Variants in LAMA3 observed in about 807,000 individuals in gnomAD.
LAMA3 encodes the protein laminin subunit alpha-3.
A neutral mutation model predicts 402.0 loss-of-function variants in LAMA3; 281 were observed. The ratio of observed to expected loss-of-function variants is 0.70; its 90% CI spans 0.63 to 0.77. The LOEUF (loss-of-function observed/expected upper bound fraction) is 0.77, where lower values mean the gene tolerates loss of function less well. Ranked by LOEUF, LAMA3 falls within the 30% of genes least tolerant of loss-of-function variation. The pLI, the probability that LAMA3 is intolerant of heterozygous loss-of-function variation, is 0.00. For missense variants in LAMA3, 3,840 were observed against 4,215.5 expected, an observed-to-expected ratio of 0.91 and a Z score of 2.47; for synonymous variants, 1,431 against 1,558.4, an observed-to-expected ratio of 0.92 and a Z score of 1.93.
At chr18:23,720,654 T>A (rs1028394059) in intron 2 of LAMA3, among the ~76,000 whole-genome samples, 4 of 152,328 alleles carry the variant, frequency 2.6e-5, no homozygotes, top group Non-Finnish European at 4.4e-5. Flanking sequence ...AAATGTGTTA[T>A]TAATGAACAT....
At chr18:23,827,533 CT>C in intron 23 of LAMA3, 66 bp downstream of exon 23, 1 of 1,547,714 alleles carries the variant, frequency 6.5e-7, no homozygotes, top group Non-Finnish European at 8.8e-7. Flanking sequence ...GCTAAAAATA[CT>C]TGGCCACAGT....
chr18:23,813,086 AC>A lies in LAMA3; in HGVS notation c.1773del (p.Ile592SerfsTer48). On this transcript the variant is annotated frameshift_variant, in exon 14 of 75. Coordinates refer to ENST00000313654, the MANE Select transcript of LAMA3 (RefSeq NM_198129.4). LOFTEE classifies it high-confidence loss of function. ...CAGCAGTGCTTGTGACCCAGCTGGTACCATCAACTCCAATTTGGTAAGTAGA... is the reference window on the plus strand; with the variant it reads ...CAGCAGTGCTTGTGACCCAGCTGGTACATCAACTCCAATTTGGTAAGTAGA... ...GSSSACDPAGTINSNLGYCQC... is the reference protein window; with the variant it reads ...GSSSACDPAGXINSNLGYCQC... 6.2e-7 allele frequency: 1 copy of A among 1,609,306 alleles called. No homozygotes were observed. Among genetic ancestry groups the A allele is most frequent in the African/African-American group, 1.3e-5 (1 of 74,966 alleles).
intron 68 of LAMA3, among the ~76,000 whole-genome samples, chr18:23,942,931 C>A (rs965022195): frequency 2.6e-5 from 4 of 152,138 alleles, no homozygotes; most frequent in African/African-American, 9.7e-5. Flanking sequence ...TTGCCTCATT[C>A]TTCTTCCTTC....
chr18:23,771,799 AC>A (rs1568167760), intron 8 of LAMA3, among the ~76,000 whole-genome samples: 1 of 152,198 alleles, frequency 6.6e-6, no homozygotes, highest in East Asian at 1.9e-4. Flanking sequence ...AAAGGTGTTC[AC>A]TGTAAAGTTG....
At chr18:23,931,248 T>G in intron 65 of LAMA3, 47 bp downstream of exon 65, 1 of 1,572,792 alleles carries the variant, frequency 6.4e-7, no homozygotes, top group South Asian at 1.1e-5. Flanking sequence ...AGTTTTACTC[T>G]CTTTCGTTTA....
intron 63 of LAMA3, 147 bp from the exon 64 acceptor site, chr18:23,928,478 T>G: frequency 1.1e-6 from 1 of 897,086 alleles, no homozygotes; most frequent in Non-Finnish European, 1.8e-6. Flanking sequence ...ATTGCTGACT[T>G]ATTATGCAGA....
At chr18:23,730,824 G>T (rs918133241) in intron 2 of LAMA3, among the ~76,000 whole-genome samples, 1 of 151,972 alleles carries the variant, frequency 6.6e-6, no homozygotes, top group African/African-American at 2.4e-5. Context: ...ATTATTCTAA[G>T]CCTGAAAAAT....
At chr18:23,718,048 T>C (rs934780163) in intron 2 of LAMA3, among the ~76,000 whole-genome samples, 26 of 152,314 alleles carry the variant, frequency 1.7e-4, no homozygotes, top group Middle Eastern at 3.4e-3. Context: ...TTTTGTATCA[T>C]CTGGCCAGAT....
chr18:23,705,450 T>TGCAC (rs1555674076), intron 1 of LAMA3, among the ~76,000 whole-genome samples: 1 of 145,394 alleles, frequency 6.9e-6, no homozygotes, highest in Admixed American at 6.9e-5. Context: ...TATCATGACA[T>TGCAC]ACACACACAC....
Position 23,847,540 on chromosome 18 carries a change from G to C in LAMA3, c.4008G>C (p.Gln1336His). ...CRCPPRTVRPQCEVCETHSFS... is the reference protein window; with the variant it reads ...CRCPPRTVRPHCEVCETHSFS... ...GCCCTCCCCGCACGGTCAGGCCCCA[G>C]TGTGAGGTGTGTGAGACACACTCAT... The change falls in exon 32 of 75, where the codon CAG becomes CAC. Residue 1336 changes from glutamine to histidine, a missense_variant. This residue lies in a region of LAMA3 where 2,109 missense variants were observed against 2,376.0 expected (regional missense o/e 0.89). Coordinates refer to ENST00000313654, the MANE Select transcript of LAMA3 (RefSeq NM_198129.4). The C allele has an allele frequency of 1.9e-6, 3 of 1,614,098 alleles. No homozygotes were observed. In the South Asian group the frequency reaches 3.3e-5, roughly 18 times the overall value.
Position 23,784,124 on chromosome 18 carries a change from C to A in LAMA3, c.1570C>A (p.Arg524Ser). Residue 524 changes from arginine to serine, a missense_variant, in exon 12 of 75, where the codon CGC (arginine) becomes AGC (serine). Coordinates refer to ENST00000313654, the MANE Select transcript of LAMA3 (RefSeq NM_198129.4). ...GVEGPRCDTC[R>S]SGFYSFPICQ... ...TGAGGGCCCTCGATGTGATACCTGC[C>A]GCTCTGGTTTCTACTCATTCCCTAT... 6.2e-7 allele frequency: 1 copy of A among 1,614,120 alleles called. No individual in the cohort carries two copies. The highest frequency in any genetic ancestry group is 1.1e-5 in the South Asian group (1 of 91,080).
At position 23,819,943 on chromosome 18, in the gene LAMA3, G is replaced by A. The variant is rs540568341; in HGVS notation, c.2250G>A (p.Pro750=). The change falls in exon 19 of 75, where the codon CCG becomes CCA. Residue 750 remains proline (P), a synonymous_variant. Coordinates refer to ENST00000313654, the MANE Select transcript of LAMA3 (RefSeq NM_198129.4). ...NGRDLRFGFD[P]LAFPEFSWRG... is the part of the protein sequence containing the mutation. ...GAGACCTTCGATTTGGATTTGATCC[G>A]CTGGCATTTCCTGAGTTTAGCTGGA... 11 of 1,614,066 alleles carry A rather than the reference G, an allele frequency of 6.8e-6. No homozygotes were observed. The highest frequency in any genetic ancestry group is 2.2e-5 in the East Asian group (1 of 44,876).
intron 34 of LAMA3, among the ~76,000 whole-genome samples, chr18:23,860,407 C>T (rs1310077019): frequency 6.6e-6 from 1 of 151,562 alleles, no homozygotes. Context: ...TACAGGCATG[C>T]ACCACCACAC....
chr18:23,796,708 T>C (rs886902345), intron 12 of LAMA3, among the ~76,000 whole-genome samples: 3 of 152,208 alleles, frequency 2.0e-5, no homozygotes, highest in Non-Finnish European at 4.4e-5. Flanking sequence ...GATTTTTTTT[T>C]AATTTTTAAA....
intron 68 of LAMA3, among the ~76,000 whole-genome samples, chr18:23,939,880 A>G (rs1204226146): frequency 2.0e-5 from 3 of 152,234 alleles, no homozygotes; most frequent in South Asian, 2.1e-4. Flanking sequence ...TCAGAAAAAA[A>G]TTAGAAAAAC....
intron 1 of LAMA3, among the ~76,000 whole-genome samples, chr18:23,690,720 C>T (rs981850907): frequency 1.3e-5 from 2 of 151,632 alleles, no homozygotes; most frequent in African/African-American, 4.8e-5. Flanking sequence ...AAGGGATCCT[C>T]CCGCCTCAGC....
chr18:23,884,698 C>T, intron 40 of LAMA3, 75 bp from the exon 41 acceptor site: 1 of 1,333,560 alleles, frequency 7.5e-7, no homozygotes, highest in East Asian at 2.3e-5. Flanking sequence ...ACAAGCCAGT[C>T]CTTTGTGGTA....
intron 41 of LAMA3, among the ~76,000 whole-genome samples, chr18:23,886,346 G>T (rs562309582): frequency 1.1e-4 from 16 of 152,158 alleles, no homozygotes; most frequent in Non-Finnish European, 1.9e-4. Context: ...TTAAATATTT[G>T]CTAATTAGGG....
intron 2 of LAMA3, 109 bp downstream of exon 2, chr18:23,714,181 C>A (rs1302273954): frequency 3.6e-6 from 4 of 1,117,954 alleles, no homozygotes; most frequent in Non-Finnish European, 5.2e-6. Context: ...CAGTTTTAAT[C>A]CCCTCATCAT....
Sources: gnomAD v4.1 joint callset for allele counts (sites outside exome capture counted in the v4.1 genomes callset) on GRCh38, gnomAD v4.1.1 for gene constraint, gnomAD v4.1.1 regional missense constraint, MANE v1.5 for transcripts, NCBI Gene and HGNC (gene_info 2026-07-23, HGNC 2026-07-21) for gene names.